HPSE2: variants seen among roughly 807,000 people sequenced by gnomAD.
The protein encoded by HPSE2 is heparanase 2 (inactive).
Under a neutral mutation model 60.5 loss-of-function variants are expected in HPSE2, and 38 were observed. That is an observed-to-expected ratio of 0.63 (90% CI 0.48 to 0.82). HPSE2 has a LOEUF of 0.82. Ranked by LOEUF, HPSE2 falls within the 40% of genes least tolerant of loss-of-function variation. The pLI is 0.00. For missense variants in HPSE2, 713 were observed against 740.4 expected, an observed-to-expected ratio of 0.96 and a Z score of 0.43; for synonymous variants, 295 against 293.2, an observed-to-expected ratio of 1.01 and a Z score of -0.06.
intron 3 of HPSE2, among the ~76,000 whole-genome samples, chr10:99,031,373 C>T (rs1957495111): frequency 6.6e-6 from 1 of 152,108 alleles, no homozygotes; most frequent in African/African-American, 2.4e-5. Context: ...ATATTAATCT[C>T]ATATAACCCT....
intron 2 of HPSE2, among the ~76,000 whole-genome samples, chr10:99,199,385 T>C (rs1392340059): frequency 1.3e-5 from 2 of 152,166 alleles, no homozygotes; most frequent in African/African-American, 4.8e-5. Flanking sequence ...TATCTCACTG[T>C]GGTTTAATTT....
chr10:98,858,249 T>C (rs892107406), intron 3 of HPSE2, among the ~76,000 whole-genome samples: 2 of 152,218 alleles, frequency 1.3e-5, no homozygotes, highest in African/African-American at 4.8e-5. Flanking sequence ...AGACAAAGGA[T>C]GACCCAGAAA....
At chr10:98,465,509 T>C (rs1023664280) in intron 11 of HPSE2, among the ~76,000 whole-genome samples, 10 of 152,176 alleles carry the variant, frequency 6.6e-5, no homozygotes, top group African/African-American at 2.4e-4. Flanking sequence ...TAGGCCAGTA[T>C]TACTATTATT....
chr10:98,609,178 C>A (rs1018589532), intron 9 of HPSE2, among the ~76,000 whole-genome samples: 1 of 152,178 alleles, frequency 6.6e-6, no homozygotes, highest in Non-Finnish European at 1.5e-5. Context: ...CATGCCTGTC[C>A]TCCACCCAGT....
chr10:98,716,738 T>G (rs1186766236), intron 5 of HPSE2, among the ~76,000 whole-genome samples: 1 of 152,100 alleles, frequency 6.6e-6, no homozygotes, highest in African/African-American at 2.4e-5. Context: ...ATTAATTTCT[T>G]TTGTACATTT....
intron 3 of HPSE2, among the ~76,000 whole-genome samples, chr10:99,046,540 C>G (rs1433110442): frequency 6.6e-6 from 1 of 152,106 alleles, no homozygotes; most frequent in Non-Finnish European, 1.5e-5. Context: ...ATCAAACTCT[C>G]TCTCTTTGCT....
intron 5 of HPSE2, among the ~76,000 whole-genome samples, chr10:98,697,308 C>T (rs1948251737): frequency 1.3e-5 from 2 of 152,256 alleles, no homozygotes; most frequent in Admixed American, 1.3e-4. Flanking sequence ...TCGAGAGGAA[C>T]ATAAATAACT....
chr10:98,960,701 C>CTTTTTTTTTTTTTTTTTTTTTT, intron 3 of HPSE2, among the ~76,000 whole-genome samples: 54 of 57,488 alleles, frequency 9.4e-4, no homozygotes, highest in South Asian at 2.4e-3. Flanking sequence ...ATGTACATTT[C>CTTTTTTTTTTTTTTTTTTTTTT]TTTTTTTTTT....
At chr10:98,894,052 TA>T (rs1381341664) in intron 3 of HPSE2, among the ~76,000 whole-genome samples, 1 of 152,164 alleles carries the variant, frequency 6.6e-6, no homozygotes, top group Non-Finnish European at 1.5e-5. Context: ...GGCCTTCACA[TA>T]AATATAGAAC....
intron 3 of HPSE2, among the ~76,000 whole-genome samples, chr10:98,956,809 G>GT (rs1955521069): frequency 1.0e-5 from 1 of 99,642 alleles, no homozygotes; most frequent in East Asian, 3.1e-4. Context: ...ACAAAGAAAG[G>GT]AAGGCCTCTC....
At chr10:99,025,941 G>T (rs1957368275) in intron 3 of HPSE2, among the ~76,000 whole-genome samples, 1 of 151,888 alleles carries the variant, frequency 6.6e-6, no homozygotes, top group Non-Finnish European at 1.5e-5. Flanking sequence ...GCAAGCCTCA[G>T]GTTACCCTCA....
At chr10:98,794,399 A>G (rs533540111) in intron 3 of HPSE2, among the ~76,000 whole-genome samples, 11 of 152,158 alleles carry the variant, frequency 7.2e-5, no homozygotes, top group Non-Finnish European at 1.3e-4. Context: ...GCGAACCACC[A>G]TGCCCAGCTA....
At chr10:98,481,956 GTC>G (rs1941253723) in intron 11 of HPSE2, among the ~76,000 whole-genome samples, 1 of 152,154 alleles carries the variant, frequency 6.6e-6, no homozygotes, top group African/African-American at 2.4e-5. Context: ...ATGTTGTCAA[GTC>G]TCTAATAGAG....
At chr10:99,015,277 A>G (rs1417314257) in intron 3 of HPSE2, among the ~76,000 whole-genome samples, 1 of 152,144 alleles carries the variant, frequency 6.6e-6, no homozygotes, top group Non-Finnish European at 1.5e-5. Flanking sequence ...TCAGGGATCT[A>G]GAACTAGAAA....
At chr10:98,840,971 G>A (rs748552694) in intron 3 of HPSE2, among the ~76,000 whole-genome samples, 2 of 152,100 alleles carry the variant, frequency 1.3e-5, no homozygotes, top group Non-Finnish European at 2.9e-5. Context: ...CTTAAAACTC[G>A]ACAGAAGAAC....
chr10:99,013,495 A>G (rs1957065366), intron 3 of HPSE2: 2 of 369,856 alleles, frequency 5.4e-6, no homozygotes, highest in Admixed American at 3.5e-5. Context: ...TATTTGAGAT[A>G]CAGTCTTGCT....
chr10:98,828,609 T>G (rs149169705), intron 3 of HPSE2, among the ~76,000 whole-genome samples: 1 of 152,326 alleles, frequency 6.6e-6, no homozygotes, highest in Non-Finnish European at 1.5e-5. Flanking sequence ...TGTTCAACCA[T>G]CACTAATCAT....
intron 3 of HPSE2, among the ~76,000 whole-genome samples, chr10:98,949,648 G>T (rs542040508): frequency 1.7e-4 from 26 of 152,214 alleles, no homozygotes; most frequent in Non-Finnish European, 2.9e-4. Flanking sequence ...TATGGTTATT[G>T]TTTGTCTAAG....
chr10:98,991,237 A>G (rs1956516418), intron 3 of HPSE2, among the ~76,000 whole-genome samples: 1 of 152,212 alleles, frequency 6.6e-6, no homozygotes, highest in Non-Finnish European at 1.5e-5. Context: ...AAATGTGAAG[A>G]GAAATAAAGG....
Sources: allele counts gnomAD v4.1 joint callset (sites outside exome capture counted in the v4.1 genomes callset), GRCh38; gene constraint gnomAD v4.1.1; transcripts MANE v1.5; gene names NCBI Gene and HGNC (gene_info 2026-07-23, HGNC 2026-07-21).